APOB: variants seen among roughly 807,000 people sequenced by gnomAD.
The protein encoded by APOB is apolipoprotein B-100.
Under a neutral mutation model 314.1 loss-of-function variants are expected in APOB, and 153 were observed. The ratio of observed to expected loss-of-function variants is 0.49; its 90% CI spans 0.43 to 0.56. The LOEUF (loss-of-function observed/expected upper bound fraction) is 0.56. APOB is among the 20% of genes least tolerant of loss of function. The pLI is 0.00. For synonymous variants in APOB, 2,087 were observed against 2,036.4 expected, an observed-to-expected ratio of 1.02 and a Z score of -0.67; for missense variants, 5,430 against 5,350.7, an observed-to-expected ratio of 1.01 and a Z score of -0.46.
In APOB at chr2:21,008,045, T is replaced by A. The variant is rs1663196217; in HGVS notation, c.8823A>T (p.Thr2941=). 7.4e-6 allele frequency: 12 copies of A among 1,614,140 alleles called. No homozygotes were observed. The highest frequency in any genetic ancestry group is 1.0e-5 in the Non-Finnish European group (12 of 1,179,960). ...WACPRFSDEG[T]HESQISFTIE... ...TGGTGAAACTAATTTGTGATTCATG[T>A]GTTCCCTCATCTGAGAATCTGGGGC... The change falls in exon 26 of 29, where the codon ACA becomes ACT. Residue 2941 remains threonine (T), a synonymous_variant. Coordinates refer to ENST00000233242, the MANE Select transcript of APOB (RefSeq NM_000384.3).
chr2:21,014,993 C>T (rs1315871115), intron 23 of APOB, 80 bp downstream of exon 23: 2 of 1,438,162 alleles, frequency 1.4e-6, no homozygotes, highest in Non-Finnish European at 2.0e-6. Flanking sequence ...CTTTGGAAAC[C>T]TTCCTGCACC....
At chr2:21,028,870 G>A (rs1306153260) in intron 12 of APOB, among the ~76,000 whole-genome samples, 1 of 152,236 alleles carries the variant, frequency 6.6e-6, no homozygotes, top group Non-Finnish European at 1.5e-5. Flanking sequence ...GGATAAAGAT[G>A]AGAAGGGGTA....
intron 16 of APOB, 182 bp downstream of exon 16, chr2:21,024,751 T>A: frequency 1.4e-6 from 1 of 728,280 alleles, no homozygotes; most frequent in Non-Finnish European, 2.5e-6. Flanking sequence ...AATTTCTAAA[T>A]GTTAACATTT....
chr2:21,013,743 C>T (rs778020831), intron 24 of APOB, among the ~76,000 whole-genome samples: 2 of 152,196 alleles, frequency 1.3e-5, no homozygotes, highest in East Asian at 3.9e-4. Context: ...AAGGGCCACT[C>T]CTTATCATTA....
intron 20 of APOB, among the ~76,000 whole-genome samples, chr2:21,017,773 A>T (rs1355373541): frequency 6.6e-6 from 1 of 152,128 alleles, no homozygotes; most frequent in Non-Finnish European, 1.5e-5. Context: ...TCCATTTTAT[A>T]TCCTTCGTAA....
Position 21,002,023 on chromosome 2 carries a change from C to A in APOB, c.13399G>T (p.Ala4467Ser), listed in dbSNP as rs1407600482. The change falls in exon 29 of 29, where the codon GCA (alanine) becomes TCA (serine). Residue 4467 changes from alanine to serine, a missense_variant. Coordinates refer to ENST00000233242, the MANE Select transcript of APOB (RefSeq NM_000384.3). The part of the protein sequence containing the change: ...DPDGKGKEKI[A>S]ELSATAQEII... ...TCCTGAGCAGTGGCAGAAAGCTCTG[C>A]AATCTTCTCTTTCCCTTTTCCATCT... 1 of 1,613,896 alleles carries A rather than the reference C, an allele frequency of 6.2e-7. No individual in the cohort carries two copies. The highest frequency in any genetic ancestry group is 1.1e-5 in the South Asian group (1 of 91,082).
chr2:21,004,808 C>T (rs1663084723), intron 26 of APOB, 133 bp from the exon 27 acceptor site: 1 of 757,558 alleles, frequency 1.3e-6, no homozygotes, highest in Admixed American at 2.6e-5. Context: ...GTACAGCTCA[C>T]ACTTATTTTA....
chr2:21,038,326 C>CT (rs1021877096), intron 4 of APOB, among the ~76,000 whole-genome samples: 1 of 151,078 alleles, frequency 6.6e-6, no homozygotes, highest in Non-Finnish European at 1.5e-5. Flanking sequence ...CTTTTTTTTT[C>CT]TTTTTTTCTT....
At position 21,006,618 on chromosome 2, in the gene APOB, G is replaced by T. The variant is rs1663148648; in HGVS notation, c.10250C>A (p.Thr3417Asn). The change falls in exon 26 of 29, where the codon ACC becomes AAC. Residue 3417 changes from threonine (T) to asparagine (N), a missense_variant. Coordinates refer to ENST00000233242, the MANE Select transcript of APOB (RefSeq NM_000384.3). ...CACTGACACTTCCATATTTTTCGTG[G>T]TTAAGCTCACAGTACTGTTATGACT... ...EGSHNSTVSL[T>N]TKNMEVSVAT... 6.2e-7 allele frequency: 1 copy of T among 1,614,010 alleles called. No homozygotes were observed.
intron 21 of APOB, 76 bp from the exon 22 acceptor site, chr2:21,015,621 C>A: frequency 1.3e-6 from 2 of 1,506,086 alleles, no homozygotes; most frequent in South Asian, 1.1e-5. Context: ...ACAGAAGTTC[C>A]ATTTGTGGTG....
chr2:21,043,828 G>T lies in APOB; in HGVS notation c.82+36C>A, dbSNP rs1444756927. ...AACCTCGTGCCGCCGGCTCCCTCCC[G>T]CTCCCTCTGCGCCCGCAGAGCGGCC... On this transcript the variant is annotated intron_variant, in intron 1 of 28. Transcript: ENST00000233242. 4.6e-6 allele frequency: 7 copies of T among 1,533,508 alleles called. No individual in the cohort carries two copies. The South Asian group carries it at 4.8e-5, about 10-fold the overall frequency. 95.0% of individuals were successfully genotyped at this position (1,533,508 alleles called of 1,614,324 possible). A position where few individuals can be genotyped will look rare whatever the true frequency, so the allele number is the denominator to read the frequency against.
In APOB at chr2:21,019,860, T is replaced by C. The variant is rs774840863; in HGVS notation, c.2862A>G (p.Pro954=). 6.2e-7 allele frequency: 1 copy of C among 1,614,122 alleles called. No homozygotes were observed. The highest frequency in any genetic ancestry group is 8.5e-7 in the Non-Finnish European group (1 of 1,180,014). ...AGGACTGCCTGTTCTCAATGAGAGG[T>C]GGGATCACCTCCGTTTTGGTGGTAG... is the stretch of plus-strand genomic sequence containing the variant. ...LVSTTKTEVI[P]PLIENRQSWS... is the part of the protein sequence containing the mutation. The change falls in exon 19 of 29, where the codon CCA becomes CCG. Residue 954 remains proline (P), a synonymous_variant. Coordinates refer to ENST00000233242, the MANE Select transcript of APOB (RefSeq NM_000384.3).
intron 10 of APOB, 84 bp from the exon 11 acceptor site, chr2:21,030,099 A>G: frequency 1.2e-6 from 1 of 848,178 alleles, no homozygotes; most frequent in Non-Finnish European, 2.0e-6. Context: ...TAGAAAAAAT[A>G]ATTATAAAAT....
intron 16 of APOB, 81 bp downstream of exon 16, chr2:21,024,852 G>A (rs765719696): frequency 7.0e-7 from 1 of 1,437,450 alleles, no homozygotes; most frequent in Non-Finnish European, 9.8e-7. Context: ...TTGTGCAGCT[G>A]GGATCGTAAG....
Position 21,005,857 on chromosome 2 carries a change from A to AT in APOB, c.11010_11011insA (p.Phe3671IlefsTer11). The AT allele has an allele frequency of 6.2e-7, 1 of 1,613,910 alleles. No homozygotes were observed. The highest frequency in any genetic ancestry group is 8.5e-7 in the Non-Finnish European group (1 of 1,179,900). ...ACTGGTAGGATGATATTTTTGAGGA[A>AT]CCTTAGGTGTCCTTCTAAGGATCCT... On this transcript the variant is annotated frameshift_variant, in exon 26 of 29. Coordinates refer to ENST00000233242, the MANE Select transcript of APOB (RefSeq NM_000384.3). LOFTEE classifies it high-confidence loss of function.
rs774131650 is a variant in APOB, at chr2:21,006,114, C to T, written c.10754G>A (p.Ser3585Asn). 5 of 1,613,804 alleles carry T rather than the reference C, an allele frequency of 3.1e-6. No homozygotes were observed. Among genetic ancestry groups the T allele is most frequent in the Admixed American group, 3.3e-5 (2 of 59,944 alleles). Residue 3585 changes from serine to asparagine, a missense_variant, in exon 26 of 29, where the codon AGC becomes AAC. Physicochemically the swap from Ser to Asn is conservative, Grantham distance 46. This residue lies in a region of APOB where 3,281 missense variants were observed against 3,171.0 expected (regional missense o/e 1.03). Coordinates refer to ENST00000233242, the MANE Select transcript of APOB (RefSeq NM_000384.3). ...TGGAGAGAGTTCCAGGGTGGCTTTG[C>T]TTGTATGTTCTCCGTTGGTGAAAAA... Reference protein sequence around the residue: ...GLFFTNGEHTSKATLELSPWQ... With the variant: ...GLFFTNGEHTNKATLELSPWQ...
intron 3 of APOB, 85 bp from the exon 4 acceptor site, chr2:21,041,168 A>G: frequency 7.1e-7 from 1 of 1,406,398 alleles, no homozygotes; most frequent in Non-Finnish European, 9.8e-7. Context: ...ATCTCTAATC[A>G]GAGCACCAAA....
At chr2:21,043,577 T>G (rs1406205577) in intron 1 of APOB, 26 bp from the exon 2 acceptor site, 20 of 1,591,162 alleles carry the variant, frequency 1.3e-5, no homozygotes, top group Non-Finnish European at 1.6e-5. Flanking sequence ...AAGAAATCTG[T>G]GAGCTTCCCA....
Position 21,006,179 on chromosome 2 carries a change from C to A in APOB, c.10689G>T (p.Trp3563Cys). ...EATLQRIYSL[W>C]EHSTKNHLQL... Reference sequence around the variant, plus strand: ...GTAAGTGGTTTTTCGTACTGTGCTCCCAGAGGGAATATATGCGTTGGAGTG... The same window carrying A: ...GTAAGTGGTTTTTCGTACTGTGCTCACAGAGGGAATATATGCGTTGGAGTG... The change falls in exon 26 of 29, where the codon TGG becomes TGT. Residue 3563 changes from tryptophan to cysteine, a missense_variant. Trp to Cys is a radical substitution (Grantham distance 215). Around this residue, in one of 3 missense-constraint regions of APOB, gnomAD observed 3,281 missense variants for 3,171.0 expected, o/e 1.03. Coordinates refer to ENST00000233242, the MANE Select transcript of APOB (RefSeq NM_000384.3). 1 of 1,613,954 alleles carries A rather than the reference C, an allele frequency of 6.2e-7. No homozygotes were observed. The highest frequency in any genetic ancestry group is 8.5e-7 in the Non-Finnish European group (1 of 1,179,926).
Sources: gnomAD v4.1 joint callset for allele counts (sites outside exome capture counted in the v4.1 genomes callset) on GRCh38, gnomAD v4.1.1 for gene constraint, gnomAD v4.1.1 regional missense constraint, MANE v1.5 for transcripts, NCBI Gene and HGNC (gene_info 2026-07-23, HGNC 2026-07-21) for gene names.